Variants in ACAP2 observed in about 807,000 individuals in gnomAD.
ACAP2 encodes ArfGAP with coiled-coil, ankyrin repeat and PH domains 2, also known as arf-GAP with coiled-coil, ANK repeat and PH domain-containing protein 2.
In ACAP2, 39 loss-of-function variants were observed where a neutral mutation model predicts 115.8. The ratio of observed to expected loss-of-function variants is 0.34; its 90% CI spans 0.26 to 0.44. The LOEUF is 0.44. ACAP2 is among the 20% of genes least tolerant of loss of function. ACAP2 has a pLI of 1.00. For synonymous variants in ACAP2, 289 were observed against 315.8 expected (o/e 0.92, Z 0.90); for missense variants, 662 against 927.6 (o/e 0.71, Z 3.72).
At chr3:195,324,091 T>A (rs893128174) in intron 9 of ACAP2, among the ~76,000 whole-genome samples, 34 of 152,038 alleles carry the variant, frequency 2.2e-4, no homozygotes, top group African/African-American at 7.2e-4. Flanking sequence ...AATAAAAAAA[T>A]TTTTAAAAGG....
At chr3:195,339,894 G>A (rs1188458151) in intron 6 of ACAP2, among the ~76,000 whole-genome samples, 1 of 151,890 alleles carries the variant, frequency 6.6e-6, no homozygotes, top group African/African-American at 2.4e-5. Flanking sequence ...CTGGACTAGA[G>A]GCTAGGGATA....
At chr3:195,291,463 T>C (rs987976628) in intron 20 of ACAP2, among the ~76,000 whole-genome samples, 2 of 152,214 alleles carry the variant, frequency 1.3e-5, no homozygotes, top group Non-Finnish European at 2.9e-5. Flanking sequence ...GTACTAAAAC[T>C]GATCTATTTA....
At chr3:195,338,833 T>C (rs1327781633) in intron 6 of ACAP2, among the ~76,000 whole-genome samples, 2 of 152,110 alleles carry the variant, frequency 1.3e-5, no homozygotes, top group East Asian at 1.9e-4. Flanking sequence ...ATCTTTTTAA[T>C]ATGTCCTTCC....
intron 2 of ACAP2, among the ~76,000 whole-genome samples, chr3:195,382,803 C>T (rs1451539037): frequency 6.6e-6 from 1 of 151,600 alleles, no homozygotes; most frequent in African/African-American, 2.4e-5. Context: ...CTCTCAAAAA[C>T]TCTAATTCTA....
rs771514397 is a variant in ACAP2 at position 195,292,325 on chromosome 3, G to C, written c.1893C>G (p.Asp631Glu). Residue 631 changes from aspartate (D) to glutamate (E), a missense_variant, in exon 19 of 23, where the codon GAC (aspartate) becomes GAG (glutamate). By Grantham distance (45) the Asp-to-Glu change is conservative. Around this residue, in one of 3 missense-constraint regions of ACAP2, gnomAD observed 128 missense variants for 200.2 expected, o/e 0.64. Transcript: ENST00000326793. ...TTTCCTCTGAATTGGCCCAGTTCAC[G>C]TCTGCACCATGAGCCAAAGCCTCAG... ...KMAEALAHGA[D>E]VNWANSEENK... is the part of the protein sequence containing the mutation. 1 of 1,613,422 alleles carries C rather than the reference G, an allele frequency of 6.2e-7. No individual in the cohort carries two copies. The highest frequency in any genetic ancestry group is 1.3e-5 in the African/African-American group (1 of 74,810).
intron 10 of ACAP2, among the ~76,000 whole-genome samples, chr3:195,316,847 C>A (rs971312778): frequency 2.7e-5 from 4 of 149,182 alleles, no homozygotes; most frequent in Non-Finnish European, 5.9e-5. Context: ...ATATCAAATG[C>A]TGGGGAAATG....
At chr3:195,363,889 A>G (rs115337992) in intron 4 of ACAP2, among the ~76,000 whole-genome samples, 2,514 of 152,286 alleles carry the variant, frequency 0.017, 59 homozygotes, top group African/African-American at 0.056. Flanking sequence ...TTCAGTAAAT[A>G]AAGCTCAGAC....
chr3:195,328,874 T>C (rs1240630871), intron 8 of ACAP2, among the ~76,000 whole-genome samples: 2 of 152,162 alleles, frequency 1.3e-5, no homozygotes, highest in Non-Finnish European at 2.9e-5. Context: ...GGTCAGTAGA[T>C]CGAGACCATC....
At position 195,344,708 on chromosome 3, in the gene ACAP2, C is replaced by T. The variant is rs573170132; in HGVS notation, c.344+551G>A. Among the ~76,000 whole-genome samples, 415 of 152,204 alleles carry T rather than the reference C, an allele frequency of 2.7e-3. 3 individuals are homozygous for T. The highest frequency in any genetic ancestry group is 7.3e-3 in the African/African-American group (305 of 41,530). The stretch of plus-strand genomic sequence containing the variant: ...GCTAATTTTGTATTTTTAGTAGAGA[C>T]GGGGTTTCTCCATCTTGGCCAGGCT... On this transcript the variant is annotated intron_variant, in intron 5 of 22. Transcript: ENST00000326793.
intron 4 of ACAP2, among the ~76,000 whole-genome samples, chr3:195,369,367 G>T (rs2108722987): frequency 6.6e-6 from 1 of 152,270 alleles, no homozygotes; most frequent in South Asian, 2.1e-4. Flanking sequence ...TCATCACCCA[G>T]GTAACAAGCC....
At chr3:195,384,187 G>A (rs1363208937) in intron 2 of ACAP2, among the ~76,000 whole-genome samples, 1 of 152,042 alleles carries the variant, frequency 6.6e-6, no homozygotes, top group Non-Finnish European at 1.5e-5. Context: ...ATTCACTGCG[G>A]TAACAGTAAA....
intron 2 of ACAP2, among the ~76,000 whole-genome samples, chr3:195,385,246 C>G (rs13081026): frequency 0.15 from 17,663 of 118,678 alleles, 1,354 homozygotes; most frequent in Middle Eastern, 0.29. Flanking sequence ...TCTCTGTATT[C>G]AAAAAAAAAA....
chr3:195,292,456 A>G lies in ACAP2; in HGVS notation c.1766-4T>C. ...GAAGAATCTTGCCTTTCTCCTTCTG[A>G]AAAGCAAACACATACACATCAATAA... On this transcript the variant is annotated splice_region_variant and splice_polypyrimidine_tract_variant and intron_variant, in intron 18 of 22. Coordinates refer to ENST00000326793, the MANE Select transcript of ACAP2 (RefSeq NM_012287.6). 6 of 1,599,082 alleles carry G rather than the reference A, an allele frequency of 3.8e-6. No homozygotes were observed. Among genetic ancestry groups the G allele is most frequent in the East Asian group, 2.2e-5 (1 of 44,832 alleles).
At chr3:195,349,311 GT>G (rs1731388767) in intron 4 of ACAP2, among the ~76,000 whole-genome samples, 1 of 152,116 alleles carries the variant, frequency 6.6e-6, no homozygotes, top group African/African-American at 2.4e-5. Context: ...GAGAAACCCC[GT>G]CTCTACTAAA....
chr3:195,339,702 T>C (rs1730745214), intron 6 of ACAP2, among the ~76,000 whole-genome samples: 1 of 151,744 alleles, frequency 6.6e-6, no homozygotes, highest in East Asian at 1.9e-4. Context: ...TAGTTATTTG[T>C]TGGGGGTGGT....
intron 21 of ACAP2, among the ~76,000 whole-genome samples, chr3:195,288,727 T>C (rs528460070): frequency 6.6e-6 from 1 of 152,000 alleles, no homozygotes; most frequent in Non-Finnish European, 1.5e-5. Context: ...TTGTGGTGGA[T>C]CACGCCTGTA....
At chr3:195,357,414 A>C (rs1170792254) in intron 4 of ACAP2, among the ~76,000 whole-genome samples, 1 of 152,174 alleles carries the variant, frequency 6.6e-6, no homozygotes, top group Non-Finnish European at 1.5e-5. Flanking sequence ...CCCGAAGGGA[A>C]ATACACAAGA....
chr3:195,416,841 T>A (rs914909341), intron 1 of ACAP2, among the ~76,000 whole-genome samples: 24 of 152,242 alleles, frequency 1.6e-4, no homozygotes, highest in African/African-American at 4.3e-4. Flanking sequence ...GTTTAATATG[T>A]ATCTATCTTA....
intron 8 of ACAP2, 145 bp from the exon 9 acceptor site, chr3:195,327,104 GA>G: frequency 2.7e-6 from 2 of 752,462 alleles, no homozygotes; most frequent in Admixed American, 2.9e-5. Context: ...TTTTGAAGTA[GA>G]AGTTCATATT....
Sources: gnomAD v4.1 joint callset for allele counts (sites outside exome capture counted in the v4.1 genomes callset) on GRCh38, gnomAD v4.1.1 for gene constraint, gnomAD v4.1.1 regional missense constraint, MANE v1.5 for transcripts, NCBI Gene and HGNC (gene_info 2026-07-23, HGNC 2026-07-21) for gene names.